Variants in PGBD4 observed in about 807,000 individuals in gnomAD.
PGBD4 encodes the protein piggyBac transposable element derived 4.
A neutral mutation model predicts 0.3 loss-of-function variants in PGBD4; 1 was observed. That is an observed-to-expected ratio of 3.72 (90% confidence interval 1.32 to 17.64). The LOEUF is 17.64. Ranked by LOEUF, PGBD4 falls within the 30% of genes most tolerant of loss-of-function variation. The pLI is 0.11. For missense variants in PGBD4, 624 were observed against 719.7 expected, an observed-to-expected ratio of 0.87 and a Z score of 1.52; for synonymous variants, 253 against 267.7, an observed-to-expected ratio of 0.95 and a Z score of 0.54.
Position 34,104,469 on chromosome 15 carries a change from G to C in PGBD4, c.*180G>C, listed in dbSNP as rs138143662. On this transcript the variant is annotated 3_prime_UTR_variant, in exon 1 of 1. Coordinates refer to ENST00000397766, the MANE Select transcript of PGBD4 (RefSeq NM_152595.5). ...AATACAACAATTAGCTGGATGTGGT[G>C]GCACATGCCTGTAATCCAAGCTACT... 1,039 of 682,712 alleles carry C rather than the reference G, an allele frequency of 1.5e-3. 29 individuals are homozygous for C. In the East Asian group the frequency reaches 0.029, roughly 19 times the overall value. The allele number at this position is 682,712 out of a possible 1,614,324, so 42.3% of individuals were successfully genotyped here. A position where few individuals can be genotyped will look rare whatever the true frequency, so the allele number is the denominator to read the frequency against.
rs1310080998 is a variant in PGBD4, at chr15:34,104,282, A to C, written c.1751A>C (p.Asn584Thr). The change falls in exon 1 of 1, where the codon AAT becomes ACT. Residue 584 changes from asparagine (N) to threonine (T), a missense_variant. By Grantham distance (65) the Asn-to-Thr change is moderately conservative. Transcript: ENST00000397766. Reference sequence around the variant, plus strand: ...TTTGAAATTTACCACACGAAAAAAAATTATTAAATACCGATCATCATACAC... The same window carrying C: ...TTTGAAATTTACCACACGAAAAAAACTTATTAAATACCGATCATCATACAC... ...PCFEIYHTKKNY is the reference protein window; with the variant it reads ...PCFEIYHTKKTY 2.5e-6 allele frequency: 4 copies of C among 1,610,652 alleles called. No homozygotes were observed. Among genetic ancestry groups the C allele is most frequent in the Non-Finnish European group, 3.4e-6 (4 of 1,178,054 alleles).
rs949040409 is a variant in PGBD4 at position 34,102,125 on chromosome 15, G to A, written c.-407G>A. Reference sequence around the variant, plus strand: ...CCCATGAAGTGAAAGTCAAGTGTGTGTTGCTGCGGCAGCCACGGAGGCCAA... The same window carrying A: ...CCCATGAAGTGAAAGTCAAGTGTGTATTGCTGCGGCAGCCACGGAGGCCAA... On this transcript the variant is annotated 5_prime_UTR_variant, in exon 1 of 1. Coordinates refer to ENST00000397766, the MANE Select transcript of PGBD4 (RefSeq NM_152595.5). The surrounding 1 kb of genome is among the most constrained non-coding windows in gnomAD (Gnocchi z 4.7). 6.0e-6 allele frequency: 3 copies of A among 498,040 alleles called. No individual in the cohort carries two copies. The highest frequency in any genetic ancestry group is 3.5e-6 in the Non-Finnish European group (1 of 284,608). 30.9% of individuals were successfully genotyped at this position (498,040 alleles called of 1,614,324 possible). A position where few individuals can be genotyped will look rare whatever the true frequency, so the allele number is the denominator to read the frequency against.
rs1481490369 is a variant in PGBD4 at position 34,105,372 on chromosome 15, GC to G, written c.*1086del. 6.0e-6 allele frequency: 1 copy of G among 167,066 alleles called. No individual in the cohort carries two copies. Among genetic ancestry groups the G allele is most frequent in the African/African-American group, 2.4e-5 (1 of 41,440 alleles). 10.3% of individuals were successfully genotyped at this position (167,066 alleles called of 1,614,324 possible). On this transcript the variant is annotated 3_prime_UTR_variant, in exon 1 of 1. Transcript: ENST00000397766. Reference sequence around the variant, plus strand: ...AGTGACTTGCCCAAGATCTTTGTTGGCCCTAAACATCGCTGTCTCTGCTACA... The same window carrying G: ...AGTGACTTGCCCAAGATCTTTGTTGGCCTAAACATCGCTGTCTCTGCTACA...
Position 34,104,579 on chromosome 15 carries a change from G to C in PGBD4, c.*290G>C, listed in dbSNP as rs1479270264. 1 of 344,968 alleles carries C rather than the reference G, an allele frequency of 2.9e-6. No individual in the cohort carries two copies. The highest frequency in any genetic ancestry group is 5.2e-6 in the Non-Finnish European group (1 of 191,812). 21.4% of individuals were successfully genotyped at this position (344,968 alleles called of 1,614,324 possible). On this transcript the variant is annotated 3_prime_UTR_variant, in exon 1 of 1. Coordinates refer to ENST00000397766, the MANE Select transcript of PGBD4 (RefSeq NM_152595.5). ...GATCACACCACTGCACTCCAGCCTG[G>C]GTGACATAGCGAGACTCCATCTCAA...
rs865990665 is a variant in PGBD4 at position 34,104,756 on chromosome 15, G to C, written c.*467G>C. The C allele has an allele frequency of 6.6e-6, 1 of 151,878 alleles. No homozygotes were observed. The highest frequency in any genetic ancestry group is 1.5e-5 in the Non-Finnish European group (1 of 68,060). 9.4% of individuals were successfully genotyped at this position (151,878 alleles called of 1,614,324 possible). A position where few individuals can be genotyped will look rare whatever the true frequency, so the allele number is the denominator to read the frequency against. ...CACCTCCCAGGTTCAAGCGATTCTCGTGCCTCAGCCTCCCTAGTAGCTGGG... is the reference window on the plus strand; with the variant it reads ...CACCTCCCAGGTTCAAGCGATTCTCCTGCCTCAGCCTCCCTAGTAGCTGGG... On this transcript the variant is annotated 3_prime_UTR_variant, in exon 1 of 1. Transcript: ENST00000397766.
In PGBD4 at chr15:34,104,244, T is replaced by C. The variant is rs1251449811; in HGVS notation, c.1713T>C (p.Cys571=). ...YFCAECDVPL[C]VVPCFEIYHT... ...GTGCCGAATGTGATGTTCCGCTTTG[T>C]GTTGTTCCGTGCTTTGAAATTTACC... Residue 571 remains cysteine (C), a synonymous_variant, in exon 1 of 1, where the codon TGT becomes TGC. Transcript: ENST00000397766. 6.2e-7 allele frequency: 1 copy of C among 1,614,118 alleles called. No homozygotes were observed. Among genetic ancestry groups the C allele is most frequent in the South Asian group, 1.1e-5 (1 of 91,072 alleles).
rs1285989787 is a variant in PGBD4, at chr15:34,103,603, A to G, written c.1072A>G (p.Arg358Gly). 1 of 1,614,122 alleles carries G rather than the reference A, an allele frequency of 6.2e-7. No individual in the cohort carries two copies. The highest frequency in any genetic ancestry group is 8.5e-7 in the Non-Finnish European group (1 of 1,180,048). The change falls in exon 1 of 1, where the codon AGA (arginine) becomes GGA (glycine). Residue 358 changes from arginine to glycine, a missense_variant. Arg to Gly is a moderately radical substitution (Grantham distance 125). Coordinates refer to ENST00000397766, the MANE Select transcript of PGBD4 (RefSeq NM_152595.5). This position sits in a 1 kb window ranked among gnomAD's most constrained non-coding sequence, Gnocchi z 4.6. The stretch of plus-strand genomic sequence containing the variant: ...TGCAGTTGGGACAGCTCGTTTGAAC[A>G]GAAAACAGATTCCAAATGATCTGAA... Reference protein sequence around the residue: ...TDAVGTARLNRKQIPNDLKKR... With the variant: ...TDAVGTARLNGKQIPNDLKKR...
chr15:34,102,173 G>A lies in PGBD4; in HGVS notation c.-359G>A, dbSNP rs1484364817. The A allele has an allele frequency of 4.4e-6, 2 of 457,792 alleles. No individual in the cohort carries two copies. Among genetic ancestry groups the A allele is most frequent in the African/African-American group, 4.0e-5 (2 of 49,710 alleles). The allele number at this position is 457,792 out of a possible 1,614,324, so 28.4% of individuals were successfully genotyped here. Reference sequence around the variant, plus strand: ...CAAGGACCTCACGGGAGTAAAAGATGACGAGACTGGCTTCGGGAGAAACAC... The same window carrying A: ...CAAGGACCTCACGGGAGTAAAAGATAACGAGACTGGCTTCGGGAGAAACAC... On this transcript the variant is annotated 5_prime_UTR_variant, in exon 1 of 1. The change abolishes an upstream ATG in the 5' untranslated region. Coordinates refer to ENST00000397766, the MANE Select transcript of PGBD4 (RefSeq NM_152595.5). This position sits in a 1 kb window ranked among gnomAD's most constrained non-coding sequence, Gnocchi z 4.7.
Position 34,102,583 on chromosome 15 carries a change from C to T in PGBD4, c.52C>T (p.Leu18Phe). The change falls in exon 1 of 1, where the codon CTC (leucine) becomes TTC (phenylalanine). Residue 18 changes from leucine (L) to phenylalanine (F), a missense_variant. Leu to Phe is a conservative substitution (Grantham distance 22, BLOSUM62 0). Coordinates refer to ENST00000397766, the MANE Select transcript of PGBD4 (RefSeq NM_152595.5). The surrounding 1 kb of genome is among the most constrained non-coding windows in gnomAD (Gnocchi z 4.7). ...SIPMRDSNTG[L>F]EQLLAEDSFD... ...TCCTATGCGTGATAGTAATACCGGT[C>T]TCGAACAGTTGTTGGCTGAAGATTC... 4 of 1,600,322 alleles carry T rather than the reference C, an allele frequency of 2.5e-6. No individual in the cohort carries two copies. The highest frequency in any genetic ancestry group is 3.4e-6 in the Non-Finnish European group (4 of 1,172,666).
chr15:34,103,221 C>T lies in PGBD4; in HGVS notation c.690C>T (p.Phe230=), dbSNP rs1195096104. Residue 230 remains phenylalanine, a synonymous_variant, in exon 1 of 1, where the codon TTC becomes TTT. Coordinates refer to ENST00000397766, the MANE Select transcript of PGBD4 (RefSeq NM_152595.5). The surrounding 1 kb of genome is among the most constrained non-coding windows in gnomAD (Gnocchi z 4.6). ...QISLQKIKPV[F]DFLVNKFSTV... ...CATTGCAGAAGATCAAACCTGTGTT[C>T]GACTTTCTTGTAAATAAATTTTCCA... 6.8e-6 allele frequency: 11 copies of T among 1,614,050 alleles called. No homozygotes were observed. The highest frequency in any genetic ancestry group is 9.3e-6 in the Non-Finnish European group (11 of 1,180,016).
At position 34,103,725 on chromosome 15, in the gene PGBD4, A is replaced by G. The variant is rs778932078; in HGVS notation, c.1194A>G (p.Thr398=). The G allele has an allele frequency of 2.5e-6, 4 of 1,614,242 alleles. No homozygotes were observed. Among genetic ancestry groups the G allele is most frequent in the Non-Finnish European group, 3.4e-6 (4 of 1,180,034 alleles). Residue 398 remains threonine, a synonymous_variant, in exon 1 of 1, where the codon ACA becomes ACG. Coordinates refer to ENST00000397766, the MANE Select transcript of PGBD4 (RefSeq NM_152595.5). This position sits in a 1 kb window ranked among gnomAD's most constrained non-coding sequence, Gnocchi z 4.6. ...GCAAGGAGGTGACAATGTTGTCAAC[A>G]TTCCACAATGATACTGTGATTGAAG... ...CDGKEVTMLS[T]FHNDTVIEVN...
At position 34,102,975 on chromosome 15, in the gene PGBD4, A is replaced by G; in HGVS notation, c.444A>G (p.Lys148=). 1 of 1,614,184 alleles carries G rather than the reference A, an allele frequency of 6.2e-7. No individual in the cohort carries two copies. Among genetic ancestry groups the G allele is most frequent in the East Asian group, 2.2e-5 (1 of 44,888 alleles). Residue 148 remains lysine, a synonymous_variant, in exon 1 of 1, where the codon AAA becomes AAG. Coordinates refer to ENST00000397766, the MANE Select transcript of PGBD4 (RefSeq NM_152595.5). The surrounding 1 kb of genome is among the most constrained non-coding windows in gnomAD (Gnocchi z 4.7). ...PKGFSRMDKW[K]DTDNDELKVF... is the part of the protein sequence containing the mutation. ...GATTTTCGCGAATGGATAAATGGAA[A>G]GACACTGACAATGACGAGCTCAAAG...
At position 34,104,021 on chromosome 15, in the gene PGBD4, A is replaced by C; in HGVS notation, c.1490A>C (p.His497Pro). Residue 497 changes from histidine (H) to proline (P), a missense_variant, in exon 1 of 1, where the codon CAT (histidine) becomes CCT (proline). His to Pro is a moderately conservative substitution (Grantham distance 77). Coordinates refer to ENST00000397766, the MANE Select transcript of PGBD4 (RefSeq NM_152595.5). Reference sequence around the variant, plus strand: ...TTGATTGAAAGAATGCTGGAAAAGCATCACAAGCCAGGGCAGCAACATCTT... The same window carrying C: ...TTGATTGAAAGAATGCTGGAAAAGCCTCACAAGCCAGGGCAGCAACATCTT... Reference protein sequence around the residue: ...LALIERMLEKHHKPGQQHLRG... With the variant: ...LALIERMLEKPHKPGQQHLRG... The C allele has an allele frequency of 6.2e-7, 1 of 1,614,208 alleles. No homozygotes were observed. The highest frequency in any genetic ancestry group is 8.5e-7 in the Non-Finnish European group (1 of 1,180,034).
chr15:34,102,465 T>C lies in PGBD4; in HGVS notation c.-67T>C. Reference sequence around the variant, plus strand: ...TTTTGAAACAAAAGACATCATTCTGTTTATAGCATTCTGTTTTTAGTAGTG... The same window carrying C: ...TTTTGAAACAAAAGACATCATTCTGCTTATAGCATTCTGTTTTTAGTAGTG... On this transcript the variant is annotated 5_prime_UTR_variant, in exon 1 of 1. Transcript: ENST00000397766. The surrounding 1 kb of genome is among the most constrained non-coding windows in gnomAD (Gnocchi z 4.7). 2.1e-6 allele frequency: 3 copies of C among 1,451,736 alleles called. No individual in the cohort carries two copies. The highest frequency in any genetic ancestry group is 2.7e-6 in the Non-Finnish European group (3 of 1,106,848). 89.9% of individuals were successfully genotyped at this position (1,451,736 alleles called of 1,614,324 possible).
Position 34,103,675 on chromosome 15 carries a change from C to A in PGBD4, c.1144C>A (p.Leu382Ile), listed in dbSNP as rs200427620. 5.0e-6 allele frequency: 8 copies of A among 1,614,022 alleles called. No individual in the cohort carries two copies. The highest frequency in any genetic ancestry group is 1.7e-5 in the Admixed American group (1 of 59,998). ...GTTVARFCGE[L>I]MALKWCDGKE... The stretch of plus-strand genomic sequence containing the variant: ...GACTGTAGCCAGATTCTGTGGTGAA[C>A]TTATGGCACTGAAATGGTGTGACGG... The change falls in exon 1 of 1, where the codon CTT becomes ATT. Residue 382 changes from leucine (L) to isoleucine (I), a missense_variant. Transcript: ENST00000397766. This position sits in a 1 kb window ranked among gnomAD's most constrained non-coding sequence, Gnocchi z 4.6.
chr15:34,102,908 C>T lies in PGBD4; in HGVS notation c.377C>T (p.Ala126Val), dbSNP rs1451284229. The T allele has an allele frequency of 3.7e-6, 6 of 1,614,000 alleles. No homozygotes were observed. Among genetic ancestry groups the T allele is most frequent in the African/African-American group, 1.3e-5 (1 of 74,920 alleles). ...LVSKITRETN[A>V]QAALLASKPP... ...TCAAAAATTACTAGAGAAACAAATG[C>T]CCAAGCTGCCTTGTTGGCTTCAAAG... Residue 126 changes from alanine to valine, a missense_variant, in exon 1 of 1, where the codon GCC (alanine) becomes GTC (valine). Coordinates refer to ENST00000397766, the MANE Select transcript of PGBD4 (RefSeq NM_152595.5). This position sits in a 1 kb window ranked among gnomAD's most constrained non-coding sequence, Gnocchi z 4.7.
In PGBD4 at chr15:34,104,196, C is replaced by G. The variant is rs766057390; in HGVS notation, c.1665C>G (p.Ile555Met). Reference sequence around the variant, plus strand: ...AATACGACAAGGATGGCAAGAAGATCCGGAAAGAAACGCGCTATTTTTGTG... The same window carrying G: ...AATACGACAAGGATGGCAAGAAGATGCGGAAAGAAACGCGCTATTTTTGTG... Reference protein sequence around the residue: ...CSQYDKDGKKIRKETRYFCAE... With the variant: ...CSQYDKDGKKMRKETRYFCAE... The change falls in exon 1 of 1, where the codon ATC becomes ATG. Residue 555 changes from isoleucine to methionine, a missense_variant. Ile to Met is a conservative substitution (Grantham distance 10, BLOSUM62 1). Coordinates refer to ENST00000397766, the MANE Select transcript of PGBD4 (RefSeq NM_152595.5). 1 of 1,614,194 alleles carries G rather than the reference C, an allele frequency of 6.2e-7. No individual in the cohort carries two copies. The highest frequency in any genetic ancestry group is 1.1e-5 in the South Asian group (1 of 91,088).
chr15:34,102,342 G>T lies in PGBD4; in HGVS notation c.-190G>T, dbSNP rs920692655. 41 of 818,608 alleles carry T rather than the reference G, an allele frequency of 5.0e-5. No individual in the cohort carries two copies. In the African/African-American group the frequency reaches 6.3e-4, roughly 13 times the overall value. The allele number at this position is 818,608 out of a possible 1,614,324, so 50.7% of individuals were successfully genotyped here. On this transcript the variant is annotated 5_prime_UTR_variant, in exon 1 of 1. Coordinates refer to ENST00000397766, the MANE Select transcript of PGBD4 (RefSeq NM_152595.5). The surrounding 1 kb of genome is among the most constrained non-coding windows in gnomAD (Gnocchi z 4.7). ...CTGTGCCTGCGACTGCAGCGTTTAC[G>T]CCGAGATAACTCGTGGATTACAGTG...
rs763259329 is a variant in PGBD4, at chr15:34,102,598, G to T, written c.67G>T (p.Ala23Ser). The change falls in exon 1 of 1, where the codon GCT becomes TCT. Residue 23 changes from alanine (A) to serine (S), a missense_variant. Ala to Ser is a moderately conservative substitution (Grantham distance 99). Transcript: ENST00000397766. This position sits in a 1 kb window ranked among gnomAD's most constrained non-coding sequence, Gnocchi z 4.7. Reference protein sequence around the residue: ...DSNTGLEQLLAEDSFDESDFS... With the variant: ...DSNTGLEQLLSEDSFDESDFS... ...TAATACCGGTCTCGAACAGTTGTTG[G>T]CTGAAGATTCATTTGATGAATCTGA... The T allele has an allele frequency of 1.2e-6, 2 of 1,609,580 alleles. No individual in the cohort carries two copies. The highest frequency in any genetic ancestry group is 1.7e-6 in the Non-Finnish European group (2 of 1,177,762).
Sources: allele counts gnomAD v4.1 joint callset, GRCh38; gene constraint gnomAD v4.1.1; non-coding constraint Gnocchi (gnomAD v3.1); transcripts MANE v1.5; gene names NCBI Gene and HGNC (gene_info 2026-07-23, HGNC 2026-07-21).